Variants in SENP2 observed in about 807,000 individuals in gnomAD.
The protein encoded by SENP2 is SUMO specific peptidase 2, also known as sentrin-specific protease 2.
A neutral mutation model predicts 86.3 loss-of-function variants in SENP2; 16 were observed. That is an observed-to-expected ratio of 0.19 (90% CI 0.13 to 0.28). SENP2 has a LOEUF of 0.28. SENP2 is among the 10% of genes least tolerant of loss of function. SENP2 has a pLI of 1.00. For synonymous variants in SENP2, 222 were observed against 238.7 expected, an observed-to-expected ratio of 0.93 and a Z score of 0.64; for missense variants, 552 against 703.0, an observed-to-expected ratio of 0.79 and a Z score of 2.43.
At position 185,612,473 on chromosome 3, in the gene SENP2, T is replaced by C. The variant is rs1722729225; in HGVS notation, c.818-134T>C. The C allele has an allele frequency of 1.4e-5, 9 of 627,834 alleles. No individual in the cohort carries two copies. In the Admixed American group the frequency reaches 1.7e-4, roughly 12 times the overall value. 38.9% of individuals were successfully genotyped at this position (627,834 alleles called of 1,614,324 possible). ...GCAACTTAGTATATAGGGAGGCTAGTGTCTTTGGAATTCACTGTAGCATTT... is the reference window on the plus strand; with the variant it reads ...GCAACTTAGTATATAGGGAGGCTAGCGTCTTTGGAATTCACTGTAGCATTT... On this transcript the variant is annotated intron_variant, in intron 8 of 16. Coordinates refer to ENST00000296257, the MANE Select transcript of SENP2 (RefSeq NM_021627.3).
chr3:185,629,000 A>G (rs1560203985), intron 16 of SENP2, among the ~76,000 whole-genome samples: 1 of 152,208 alleles, frequency 6.6e-6, no homozygotes, highest in East Asian at 1.9e-4. Flanking sequence ...TGAACCTAAT[A>G]AGATGAGATT....
chr3:185,629,434 C>T (rs970874949), intron 16 of SENP2, among the ~76,000 whole-genome samples: 3 of 152,146 alleles, frequency 2.0e-5, no homozygotes, highest in East Asian at 1.9e-4. Context: ...AAAAATAAGC[C>T]GGGTGTGCTG....
At chr3:185,587,584 T>TTTTTTTTTTTTTTTTTTTTAA (rs1560186545) in intron 1 of SENP2, among the ~76,000 whole-genome samples, 1 of 149,574 alleles carries the variant, frequency 6.7e-6, no homozygotes. Context: ...TTTTTTTTTT[T>TTTTTTTTTTTTTTTTTTTTAA]GAGAAGGAGT....
Position 185,588,050 on chromosome 3 carries a change from A to ATTTTTTTTTT in SENP2, c.101+1552_101+1561dup, listed in dbSNP as rs1196425963. Among the ~76,000 whole-genome samples, 31 of 64,786 alleles carry ATTTTTTTTTT rather than the reference A, an allele frequency of 4.8e-4. 2 individuals carry two copies. Among genetic ancestry groups the ATTTTTTTTTT allele is most frequent in the East Asian group, 3.5e-3 (8 of 2,280 alleles). The allele number at this position is 64,786 out of a possible 152,430, so 42.5% of individuals were successfully genotyped here. ...CACAGCGCCCGGCCACTACCGGCTA[A>ATTTTTTTTTT]TTTTTTTTTTTTTTTTTTTTTTTTT... On this transcript the variant is annotated intron_variant, in intron 1 of 16. Coordinates refer to ENST00000296257, the MANE Select transcript of SENP2 (RefSeq NM_021627.3).
In SENP2 at chr3:185,598,476, C is replaced by T. The variant is rs752979797; in HGVS notation, c.222C>T (p.Phe74=). The change falls in exon 3 of 17, where the codon TTC becomes TTT. Residue 74 remains phenylalanine (F), a synonymous_variant. Coordinates refer to ENST00000296257, the MANE Select transcript of SENP2 (RefSeq NM_021627.3). Reference sequence around the variant, plus strand: ...CTGCCAGCTTATTTGGATTCCCATTCCAGCTGACCACAAAGCCCATGGTAA... The same window carrying T: ...CTGCCAGCTTATTTGGATTCCCATTTCAGCTGACCACAAAGCCCATGGTAA... ...YNAASLFGFP[F]QLTTKPMVTS... 6.2e-7 allele frequency: 1 copy of T among 1,614,056 alleles called. No homozygotes were observed. The highest frequency in any genetic ancestry group is 1.3e-5 in the African/African-American group (1 of 75,016).
intron 10 of SENP2, 160 bp from the exon 11 acceptor site, chr3:185,614,404 C>T (rs1436653350): frequency 5.7e-6 from 4 of 707,722 alleles, no homozygotes; most frequent in East Asian, 2.8e-5. Context: ...TTTTGCTCCC[C>T]CTTGCAGGGA....
chr3:185,611,902 A>G (rs972838157), intron 8 of SENP2, among the ~76,000 whole-genome samples, 157 bp downstream of exon 8: 2 of 152,204 alleles, frequency 1.3e-5, no homozygotes, highest in African/African-American at 2.4e-5. Flanking sequence ...TACGCCTGCA[A>G]TCCCAGCACT....
intron 9 of SENP2, among the ~76,000 whole-genome samples, 173 bp downstream of exon 9, chr3:185,612,831 C>T (rs551899499): frequency 6.6e-6 from 1 of 152,208 alleles, no homozygotes; most frequent in Admixed American, 6.5e-5. Context: ...CCCACCCTAG[C>T]CTGGTGGGTT....
At chr3:185,604,052 C>T (rs148255329) in intron 5 of SENP2, among the ~76,000 whole-genome samples, 12 of 152,240 alleles carry the variant, frequency 7.9e-5, no homozygotes, top group Admixed American at 4.6e-4. Flanking sequence ...ACCCGGAAGG[C>T]GGAGGTTGTA....
intron 11 of SENP2, among the ~76,000 whole-genome samples, chr3:185,615,450 T>A (rs1405184414): frequency 2.6e-5 from 4 of 152,194 alleles, no homozygotes; most frequent in African/African-American, 9.6e-5. Context: ...TTCAAGTGAT[T>A]CTCCTGGCTC....
Position 185,611,765 on chromosome 3 carries a change from C to G in SENP2, c.817+20C>G, listed in dbSNP as rs565444243. On this transcript the variant is annotated intron_variant, in intron 8 of 16. Transcript: ENST00000296257. The stretch of plus-strand genomic sequence containing the variant: ...AACAATGTGAGTTCCCAGATTTAGC[C>G]TTGTCTTAATATATTGACCTTAGTT... 3.2e-6 allele frequency: 5 copies of G among 1,560,516 alleles called. No homozygotes were observed. The African/African-American group carries it at 6.8e-5, about 21-fold the overall frequency.
chr3:185,621,036 G>A (rs1325613078), intron 13 of SENP2, among the ~76,000 whole-genome samples: 1 of 150,954 alleles, frequency 6.6e-6, no homozygotes, highest in Non-Finnish European at 1.5e-5. Flanking sequence ...TGTGGGCATG[G>A]TGGTGCACAC....
In SENP2 at chr3:185,598,419, T is replaced by G. The variant is rs370601182; in HGVS notation, c.165T>G (p.Phe55Leu). The G allele has an allele frequency of 9.3e-6, 15 of 1,613,900 alleles. No homozygotes were observed. Among genetic ancestry groups the G allele is most frequent in the Non-Finnish European group, 1.3e-5 (15 of 1,179,892 alleles). Reference protein sequence around the residue: ...IPAKRPRLDCFIHQVKNSLYN... With the variant: ...IPAKRPRLDCLIHQVKNSLYN... ...TTTGTTGACACTTTCTAGATTGCTT[T>G]ATTCACCAAGTGAAAAACAGTCTCT... is the stretch of plus-strand genomic sequence containing the variant. Residue 55 changes from phenylalanine to leucine, a missense_variant, in exon 3 of 17, where the codon TTT becomes TTG. Transcript: ENST00000296257.
At chr3:185,601,007 G>A (rs1722325546) in intron 5 of SENP2, 152 bp downstream of exon 5, 1 of 507,132 alleles carries the variant, frequency 2.0e-6, no homozygotes, top group African/African-American at 2.0e-5. Flanking sequence ...TGAGAGACTT[G>A]AACTTAGGGG....
chr3:185,597,181 C>T (rs1237162903), intron 2 of SENP2, among the ~76,000 whole-genome samples: 1 of 151,926 alleles, frequency 6.6e-6, no homozygotes, highest in Admixed American at 6.6e-5. Flanking sequence ...CTGGAGAACT[C>T]TGCTTAAAAG....
intron 12 of SENP2, among the ~76,000 whole-genome samples, chr3:185,618,789 G>A (rs556586530): frequency 1.3e-5 from 2 of 152,256 alleles, no homozygotes; most frequent in African/African-American, 4.8e-5. Context: ...TGAGGCAGGA[G>A]AATGGTGTGA....
intron 2 of SENP2, among the ~76,000 whole-genome samples, chr3:185,593,520 C>G (rs995905669): frequency 6.6e-6 from 1 of 152,146 alleles, no homozygotes; most frequent in African/African-American, 2.4e-5. Flanking sequence ...ATTCAACATT[C>G]ACAGCATTAT....
chr3:185,609,430 C>A, intron 7 of SENP2, 80 bp downstream of exon 7: 1 of 1,004,650 alleles, frequency 1.0e-6, no homozygotes, highest in Admixed American at 1.9e-5. Flanking sequence ...GTGGGAAGGG[C>A]TTTACTGAAA....
intron 10 of SENP2, among the ~76,000 whole-genome samples, chr3:185,614,175 TTGAG>T (rs1334082128): frequency 6.6e-6 from 1 of 152,188 alleles, no homozygotes; most frequent in Non-Finnish European, 1.5e-5. Context: ...TAGAACCAAG[TTGAG>T]TTACTATAAA....
Sources: gnomAD v4.1 joint callset for allele counts (sites outside exome capture counted in the v4.1 genomes callset) on GRCh38, gnomAD v4.1.1 for gene constraint, MANE v1.5 for transcripts, NCBI Gene and HGNC (gene_info 2026-07-23, HGNC 2026-07-21) for gene names.